The following ECD variants were observed in gnomAD, a reference collection of about 807,000 sequenced individuals.
The protein encoded by ECD is ecdysoneless cell cycle regulator.
A neutral mutation model predicts 77.2 loss-of-function variants in ECD; 59 were observed. The ratio of observed to expected loss-of-function variants is 0.76; its 90% CI spans 0.62 to 0.95. The LOEUF (loss-of-function observed/expected upper bound fraction) is 0.95. Among genes scored for constraint, ECD ranks in the 40% least tolerant of loss-of-function variants. ECD has a pLI of 0.00. For missense variants in ECD, 704 were observed against 763.4 expected (o/e 0.92, Z 0.92); for synonymous variants, 233 against 267.4 (o/e 0.87, Z 1.26).
intron 9 of ECD, chr10:73,141,548 C>T (rs1843059039): frequency 6.6e-6 from 1 of 152,362 alleles, no homozygotes; most frequent in Non-Finnish European, 1.5e-5. Context: ...AAAAAAAATC[C>T]TCATTCTTTA....
rs755604064 is a variant in ECD at position 73,147,777 on chromosome 10, G to A, written c.1041+499C>T. ...ATTCTACCAGTTTGCAATGTTACCAGCAAGGTATAGGAGTGTTATTTTTAC... is the reference window on the plus strand; with the variant it reads ...ATTCTACCAGTTTGCAATGTTACCAACAAGGTATAGGAGTGTTATTTTTAC... On this transcript the variant is annotated intron_variant, in intron 8 of 13. Transcript: ENST00000372979. Among the ~76,000 whole-genome samples the A allele has an allele frequency of 2.2e-4, 33 of 151,950 alleles. 1 individual carries two copies. The highest frequency in any genetic ancestry group is 1.5e-5 in the Non-Finnish European group (1 of 68,008).
intron 3 of ECD, among the ~76,000 whole-genome samples, chr10:73,159,165 G>C (rs1038056772): frequency 1.3e-5 from 2 of 152,220 alleles, no homozygotes; most frequent in Non-Finnish European, 2.9e-5. Context: ...AAGAGGTTGA[G>C]TGGGTAAAAA....
intron 2 of ECD, among the ~76,000 whole-genome samples, chr10:73,160,895 T>G (rs1010733764): frequency 2.6e-5 from 4 of 152,190 alleles, no homozygotes; most frequent in Non-Finnish European, 5.9e-5. Flanking sequence ...AGAGGCATGA[T>G]GTATAGAGTA....
At chr10:73,145,696 G>A (rs1843115764) in intron 9 of ECD, among the ~76,000 whole-genome samples, 1 of 123,298 alleles carries the variant, frequency 8.1e-6, no homozygotes, top group Non-Finnish European at 1.6e-5. Context: ...GTCTCGCTCT[G>A]TCCCCAGGTG....
intron 5 of ECD, among the ~76,000 whole-genome samples, chr10:73,155,548 A>G (rs1483648919): frequency 6.7e-6 from 1 of 150,170 alleles, no homozygotes; most frequent in East Asian, 1.9e-4. Context: ...GACCCAGAAC[A>G]ACAGAAAAAA....
At chr10:73,139,528 T>C (rs770576759) in intron 10 of ECD, 33 bp from the exon 11 acceptor site, 33 of 1,607,122 alleles carry the variant, frequency 2.1e-5, no homozygotes, top group Non-Finnish European at 2.8e-5. Context: ...ACTGCCATTC[T>C]ACATTCACAT....
intron 7 of ECD, among the ~76,000 whole-genome samples, chr10:73,150,277 G>A (rs1356792005): frequency 2.6e-5 from 4 of 152,136 alleles, no homozygotes; most frequent in Non-Finnish European, 4.4e-5. Flanking sequence ...ATGGGGAAAC[G>A]ATTCCCTATT....
At chr10:73,155,748 T>C (rs1207836171) in intron 5 of ECD, among the ~76,000 whole-genome samples, 2 of 151,734 alleles carry the variant, frequency 1.3e-5, no homozygotes, top group Non-Finnish European at 2.9e-5. Flanking sequence ...TACAGGCACC[T>C]GCCACCACGC....
intron 9 of ECD, among the ~76,000 whole-genome samples, chr10:73,142,657 T>G (rs1382771174): frequency 1.4e-5 from 2 of 147,698 alleles, no homozygotes; most frequent in Admixed American, 6.7e-5. Flanking sequence ...AAAAAAAAAT[T>G]GTAGAGAAAG....
intron 7 of ECD, among the ~76,000 whole-genome samples, chr10:73,151,012 C>A (rs556407878): frequency 6.6e-6 from 1 of 152,210 alleles, no homozygotes; most frequent in African/African-American, 2.4e-5. Context: ...TTGACCCAGC[C>A]ATCCCATTAC....
intron 1 of ECD, among the ~76,000 whole-genome samples, chr10:73,165,812 T>A (rs1843450353): frequency 1.3e-5 from 2 of 152,150 alleles, no homozygotes; most frequent in Admixed American, 1.3e-4. Flanking sequence ...AAAAAAATTT[T>A]TATAGCCAGG....
At chr10:73,134,942 T>C in intron 13 of ECD, 129 bp from the exon 14 acceptor site, 4 of 776,206 alleles carry the variant, frequency 5.2e-6, no homozygotes, top group Non-Finnish European at 8.1e-6. Flanking sequence ...TTCTTATCCT[T>C]GGTGATATAA....
chr10:73,135,487 G>C (rs113768624), intron 13 of ECD, among the ~76,000 whole-genome samples: 15,954 of 152,166 alleles, frequency 0.1, 1,238 homozygotes, highest in East Asian at 0.3. Context: ...GGGAGGCTGA[G>C]GTGGGTGGAT....
At position 73,139,183 on chromosome 10, in the gene ECD, A is replaced by T. The variant is rs1843016162; in HGVS notation, c.1421+126T>A. 3 of 969,628 alleles carry T rather than the reference A, an allele frequency of 3.1e-6. No homozygotes were observed. The South Asian group carries it at 5.9e-5, about 19-fold the overall frequency. 60.1% of individuals were successfully genotyped at this position (969,628 alleles called of 1,614,324 possible). On this transcript the variant is annotated intron_variant, in intron 11 of 13. Coordinates refer to ENST00000372979, the MANE Select transcript of ECD (RefSeq NM_007265.3). The stretch of plus-strand genomic sequence containing the variant: ...AGTAAGTTATCACTATACTAGGCAC[A>T]AAAAAGAAAGCAAGCAGTACAACTC...
chr10:73,146,785 T>A (rs1164418993), intron 8 of ECD, among the ~76,000 whole-genome samples: 1 of 145,284 alleles, frequency 6.9e-6, no homozygotes, highest in Non-Finnish European at 1.5e-5. Flanking sequence ...AAAAAAAAAA[T>A]TAAATTAAAG....
Position 73,152,327 on chromosome 10 carries a change from G to A in ECD, c.878C>T (p.Pro293Leu). The A allele has an allele frequency of 6.2e-7, 1 of 1,613,796 alleles. No individual in the cohort carries two copies. The highest frequency in any genetic ancestry group is 8.5e-7 in the Non-Finnish European group (1 of 1,179,812). ...SGYRLPPPSD[P>L]QYRAHELGMK... Reference sequence around the variant, plus strand: ...GCCCAATTCATGGGCTCGGTACTGGGGATCAGATGGAGGAGGCAGCCTGTA... The same window carrying A: ...GCCCAATTCATGGGCTCGGTACTGGAGATCAGATGGAGGAGGCAGCCTGTA... Residue 293 changes from proline (P) to leucine (L), a missense_variant, in exon 7 of 14, where the codon CCC becomes CTC. Physicochemically the swap from Pro to Leu is moderately conservative, Grantham distance 98. Around this residue, in one of 3 missense-constraint regions of ECD, gnomAD observed 559 missense variants for 583.7 expected, o/e 0.96. Transcript: ENST00000372979.
Position 73,146,342 on chromosome 10 carries a change from G to A in ECD, c.1061C>T (p.Ala354Val), listed in dbSNP as rs766077361. The change falls in exon 9 of 14, where the codon GCT becomes GTT. Residue 354 changes from alanine to valine, a missense_variant. Ala to Val is a moderately conservative substitution (Grantham distance 64). Coordinates refer to ENST00000372979, the MANE Select transcript of ECD (RefSeq NM_007265.3). ...DYFKGLIEGS[A>V]QYRERLEMAE... ...CATTTCTAGCCTTTCCCGGTACTGA[G>A]CAGAACCTTCTATCAGTCCCTTAAA... 5 of 1,606,174 alleles carry A rather than the reference G, an allele frequency of 3.1e-6. No individual in the cohort carries two copies. The South Asian group carries it at 4.4e-5, about 14-fold the overall frequency.
Position 73,146,259 on chromosome 10 carries a change from T to C in ECD, c.1127+17A>G, listed in dbSNP as rs746775344. On this transcript the variant is annotated intron_variant, in intron 9 of 13. Coordinates refer to ENST00000372979, the MANE Select transcript of ECD (RefSeq NM_007265.3). ...TAAATACCAATCTTTGTAGTAGGAGTCTTAACAATAACTCACCTTTCTGGC... is the reference window on the plus strand; with the variant it reads ...TAAATACCAATCTTTGTAGTAGGAGCCTTAACAATAACTCACCTTTCTGGC... 1 of 1,484,708 alleles carries C rather than the reference T, an allele frequency of 6.7e-7. No individual in the cohort carries two copies. The highest frequency in any genetic ancestry group is 9.3e-7 in the Non-Finnish European group (1 of 1,080,972). 92.0% of individuals were successfully genotyped at this position (1,484,708 alleles called of 1,614,324 possible).
chr10:73,148,843 T>C (rs1031050797), intron 7 of ECD, among the ~76,000 whole-genome samples: 37 of 152,126 alleles, frequency 2.4e-4, no homozygotes, highest in South Asian at 1.4e-3. Context: ...AAATAATAGA[T>C]GCACATGGCT....
Sources: gnomAD v4.1 joint callset for allele counts (sites outside exome capture counted in the v4.1 genomes callset) on GRCh38, gnomAD v4.1.1 for gene constraint, gnomAD v4.1.1 regional missense constraint, MANE v1.5 for transcripts, NCBI Gene and HGNC (gene_info 2026-07-23, HGNC 2026-07-21) for gene names.